The following PPP4R4 variants were observed in gnomAD, a reference collection of about 807,000 sequenced individuals.
The protein encoded by PPP4R4 is serine/threonine-protein phosphatase 4 regulatory subunit 4.
PPP4R4 carries 70 observed loss-of-function variants against 121.8 expected under a neutral mutation model. The observed-to-expected ratio is 0.57, with a 90% CI of 0.47 to 0.70. The LOEUF is 0.70. PPP4R4 is among the 30% of genes least tolerant of loss of function. The pLI, the probability that PPP4R4 is intolerant of heterozygous loss-of-function variation, is 0.00. For missense variants in PPP4R4, 875 were observed against 1,033.6 expected, an observed-to-expected ratio of 0.85 and a Z score of 2.10; for synonymous variants, 348 against 355.7, an observed-to-expected ratio of 0.98 and a Z score of 0.24.
chr14:94,249,605 C>T (rs995304847), intron 14 of PPP4R4, among the ~76,000 whole-genome samples: 5 of 152,008 alleles, frequency 3.3e-5, no homozygotes, highest in South Asian at 2.1e-4. Context: ...AATTAAGGTT[C>T]TGCCTAGTGG....
chr14:94,207,964 T>C (rs574734892), intron 2 of PPP4R4, among the ~76,000 whole-genome samples: 1 of 152,042 alleles, frequency 6.6e-6, no homozygotes, highest in African/African-American at 2.4e-5. Context: ...AAGAAGTTTC[T>C]GACATGGAGT....
intron 6 of PPP4R4, among the ~76,000 whole-genome samples, 178 bp downstream of exon 6, chr14:94,233,937 T>C (rs545762581): frequency 4.6e-5 from 7 of 152,326 alleles, no homozygotes; most frequent in South Asian, 4.1e-4. Flanking sequence ...TTCTTTTCAA[T>C]CTCATAACTT....
chr14:94,226,310 T>A (rs1158003103), intron 3 of PPP4R4, among the ~76,000 whole-genome samples: 2 of 152,182 alleles, frequency 1.3e-5, no homozygotes, highest in East Asian at 3.9e-4. Context: ...TTCTTAAGGA[T>A]ATTTTTATGT....
chr14:94,185,730 T>C lies in PPP4R4; in HGVS notation c.191+9603T>C, dbSNP rs75866026. Among the ~76,000 whole-genome samples, 1,021 of 152,290 alleles carry C rather than the reference T, an allele frequency of 6.7e-3. 11 individuals carry two copies. Among genetic ancestry groups the C allele is most frequent in the African/African-American group, 0.022 (913 of 41,548 alleles). On this transcript the variant is annotated intron_variant, in intron 2 of 24. Transcript: ENST00000304338. ...TTTGGAAACATCCCATTTAGAAACT[T>C]CTTGTGTTACAAAGTTTCCTCTCTA... is the stretch of plus-strand genomic sequence containing the variant.
intron 3 of PPP4R4, among the ~76,000 whole-genome samples, chr14:94,225,444 C>T (rs1385698988): frequency 3.5e-5 from 5 of 144,842 alleles, no homozygotes; most frequent in African/African-American, 1.3e-4. Flanking sequence ...TGATAAGCCC[C>T]TCTGCAGTAG....
intron 19 of PPP4R4, among the ~76,000 whole-genome samples, chr14:94,262,390 C>T (rs1323021740): frequency 6.6e-6 from 1 of 151,806 alleles, no homozygotes; most frequent in Non-Finnish European, 1.5e-5. Flanking sequence ...ATGATGATAA[C>T]CATTTTATTC....
At chr14:94,239,181 C>A (rs777148661) in intron 8 of PPP4R4, among the ~76,000 whole-genome samples, 1 of 149,612 alleles carries the variant, frequency 6.7e-6, no homozygotes, top group African/African-American at 2.5e-5. Flanking sequence ...TTGTCCTAGC[C>A]AACTCCTTCT....
intron 2 of PPP4R4, among the ~76,000 whole-genome samples, chr14:94,190,947 G>A (rs10134850): frequency 0.013 from 1,978 of 150,338 alleles, 43 homozygotes; most frequent in African/African-American, 0.046. Flanking sequence ...ATACAGACAC[G>A]TTTGTGTGCA....
Position 94,279,450 on chromosome 14 carries a change from T to C in PPP4R4, c.*807T>C, listed in dbSNP as rs531118395. The C allele has an allele frequency of 1.0e-4, 16 of 152,794 alleles. 1 individual carries two copies. The South Asian group carries it at 3.3e-3, about 32-fold the overall frequency. The allele number at this position is 152,794 out of a possible 1,614,324, so 9.5% of individuals were successfully genotyped here. On this transcript the variant is annotated 3_prime_UTR_variant, in exon 25 of 25. Transcript: ENST00000304338. ...CTATGTCAACAGCATTTATTTGTAC[T>C]AATGCTAATATTTCCATCAAAATTT...
rs545243785 is a variant in PPP4R4, at chr14:94,188,113, C to T, written c.191+11986C>T. The stretch of plus-strand genomic sequence containing the variant: ...TTATAGATACCATTAGGTTAAGTTT[C>T]CTCTATTCCTAATTTGCTAAGTTTT... On this transcript the variant is annotated intron_variant, in intron 2 of 24. Transcript: ENST00000304338. Among the ~76,000 whole-genome samples the T allele has an allele frequency of 6.6e-5, 10 of 152,140 alleles. No homozygotes were observed. In the South Asian group the frequency reaches 2.1e-3, roughly 32 times the overall value.
rs1894784849 is a variant in PPP4R4 at position 94,278,840 on chromosome 14, T to C, written c.*197T>C. 2 of 366,964 alleles carry C rather than the reference T, an allele frequency of 5.5e-6. No homozygotes were observed. The highest frequency in any genetic ancestry group is 4.6e-4 in the Middle Eastern group (1 of 2,194). 22.7% of individuals were successfully genotyped at this position (366,964 alleles called of 1,614,324 possible). ...ATTTCAAATTAGATTCCCTAGGAGG[T>C]ATAATATATATTTCTTGAGTAATAA... On this transcript the variant is annotated 3_prime_UTR_variant, in exon 25 of 25. Transcript: ENST00000304338.
rs769752166 is a variant in PPP4R4 at position 94,266,990 on chromosome 14, G to T, written c.2410G>T (p.Val804Phe). 6 of 1,597,550 alleles carry T rather than the reference G, an allele frequency of 3.8e-6. No individual in the cohort carries two copies. In the Admixed American group the frequency reaches 1.0e-4, roughly 27 times the overall value. The change falls in exon 23 of 25, where the codon GTC becomes TTC. Residue 804 changes from valine (V) to phenylalanine (F), a missense_variant. By Grantham distance (50) the Val-to-Phe change is conservative. Coordinates refer to ENST00000304338, the MANE Select transcript of PPP4R4 (RefSeq NM_058237.2). ...KSSTTGYTTS[V>F]SGLGKTSVLS... ...TTCTACAACAGGATATACAACTTCT[G>T]TCTCAGGGTTAGGAAAGACTTCTGT...
chr14:94,251,971 T>A, intron 16 of PPP4R4, 75 bp downstream of exon 16: 1 of 1,311,862 alleles, frequency 7.6e-7, no homozygotes, highest in Admixed American at 2.7e-5. Flanking sequence ...TGCAAAATCT[T>A]TTCCTTAGCC....
At chr14:94,182,261 A>G (rs754215940) in intron 2 of PPP4R4, among the ~76,000 whole-genome samples, 5 of 152,196 alleles carry the variant, frequency 3.3e-5, no homozygotes, top group Non-Finnish European at 4.4e-5. Flanking sequence ...TCATAAGCTT[A>G]TATTTTATTT....
chr14:94,199,676 C>G (rs56773180), intron 2 of PPP4R4, among the ~76,000 whole-genome samples: 17,490 of 152,120 alleles, frequency 0.11, 1,196 homozygotes, highest in African/African-American at 0.19. Flanking sequence ...TAGTTTTCCC[C>G]TGGAGTCGGG....
At chr14:94,211,319 TTGA>T (rs1197277444) in intron 3 of PPP4R4, among the ~76,000 whole-genome samples, 1 of 151,904 alleles carries the variant, frequency 6.6e-6, no homozygotes, top group African/African-American at 2.4e-5. Context: ...AGAACATGAG[TTGA>T]TGAGATAAAG....
intron 3 of PPP4R4, among the ~76,000 whole-genome samples, chr14:94,214,046 G>A (rs957523451): frequency 2.0e-5 from 3 of 152,106 alleles, no homozygotes; most frequent in Non-Finnish European, 4.4e-5. Context: ...TGTCAGTCTA[G>A]TTTCTCACTA....
At chr14:94,191,676 C>G (rs1419004667) in intron 2 of PPP4R4, among the ~76,000 whole-genome samples, 2 of 152,140 alleles carry the variant, frequency 1.3e-5, no homozygotes, top group Non-Finnish European at 2.9e-5. Flanking sequence ...AAGGTTTAAG[C>G]TAAAGAGGAG....
chr14:94,216,832 T>C (rs1035560478), intron 3 of PPP4R4, among the ~76,000 whole-genome samples: 1 of 152,092 alleles, frequency 6.6e-6, no homozygotes, highest in Non-Finnish European at 1.5e-5. Flanking sequence ...TCCAGGACCA[T>C]GCAAAGATCA....
Sources: allele counts gnomAD v4.1 joint callset (sites outside exome capture counted in the v4.1 genomes callset), GRCh38; gene constraint gnomAD v4.1.1; transcripts MANE v1.5; gene names NCBI Gene and HGNC (gene_info 2026-07-23, HGNC 2026-07-21).